STK10: variants seen among roughly 807,000 people sequenced by gnomAD.
STK10 encodes the protein serine/threonine kinase 10, also known as serine/threonine-protein kinase 10.
In STK10, 78 loss-of-function variants were observed where a neutral mutation model predicts 113.8. That is an observed-to-expected ratio of 0.69 (90% CI 0.57 to 0.83). STK10 has a LOEUF of 0.83. STK10 is among the 40% of genes least tolerant of loss of function. STK10 has a pLI of 0.00. For missense variants in STK10, 1,109 were observed against 1,280.1 expected (o/e 0.87, Z 2.04); for synonymous variants, 465 against 494.7 (o/e 0.94, Z 0.80).
At chr5:172,172,420 C>T (rs767605096) in intron 1 of STK10, among the ~76,000 whole-genome samples, 2 of 152,202 alleles carry the variant, frequency 1.3e-5, no homozygotes, top group African/African-American at 4.8e-5. Flanking sequence ...CCAAGCTATA[C>T]CCGTGTTCCA....
intron 1 of STK10, among the ~76,000 whole-genome samples, chr5:172,168,816 G>A (rs1267308405): frequency 6.6e-6 from 1 of 152,068 alleles, no homozygotes; most frequent in Non-Finnish European, 1.5e-5. Flanking sequence ...TGTCATGCCA[G>A]GGGTCTCCCG....
At chr5:172,184,777 G>A (rs1375401587) in intron 1 of STK10, among the ~76,000 whole-genome samples, 3 of 152,060 alleles carry the variant, frequency 2.0e-5, no homozygotes, top group African/African-American at 4.8e-5. Context: ...TCAGCCTCCC[G>A]AGTAGCTGGG....
chr5:172,170,122 CT>C (rs11347358), intron 1 of STK10, among the ~76,000 whole-genome samples: 14,616 of 119,252 alleles, frequency 0.12, 1,231 homozygotes, highest in African/African-American at 0.34. Flanking sequence ...AGTATGTATC[CT>C]TTTTTTTTTT....
intron 7 of STK10, among the ~76,000 whole-genome samples, chr5:172,100,870 T>C (rs1288798946): frequency 6.6e-6 from 1 of 152,170 alleles, no homozygotes; most frequent in African/African-American, 2.4e-5. Flanking sequence ...CTCTCTCCCT[T>C]CTGGTCTTCT....
In STK10 at chr5:172,046,879, C is replaced by G. The variant is rs145568085; in HGVS notation, c.2767-1857G>C. ...ATTGGCAGTGGTTTGCTAACACCTA[C>G]TTTAAGGAAATAAATATTATCTACA... On this transcript the variant is annotated intron_variant, in intron 18 of 18. Coordinates refer to ENST00000176763, the MANE Select transcript of STK10 (RefSeq NM_005990.4). Among the ~76,000 whole-genome samples the G allele has an allele frequency of 1.5e-3, 233 of 152,272 alleles. 1 individual carries two copies. The highest frequency in any genetic ancestry group is 5.5e-3 in the African/African-American group (228 of 41,540).
chr5:172,093,515 T>G lies in STK10; in HGVS notation c.1451A>C (p.Asp484Ala). ...AQAAPGPSKR[D>A]SDCSSLCTSE... is the part of the protein sequence containing the mutation. ...GGTGCAGAGGCTGCTGCAGTCCGAG[T>G]CCCTCTTGGAAGGCCCTGGAGCTGC... The change falls in exon 9 of 19, where the codon GAC becomes GCC. Residue 484 changes from aspartate to alanine, a missense_variant. Asp to Ala is a moderately radical substitution (Grantham distance 126). Coordinates refer to ENST00000176763, the MANE Select transcript of STK10 (RefSeq NM_005990.4). The surrounding 1 kb of genome is among the most constrained non-coding windows in gnomAD (Gnocchi z 4.1). 1 of 1,614,136 alleles carries G rather than the reference T, an allele frequency of 6.2e-7. No homozygotes were observed. Among genetic ancestry groups the G allele is most frequent in the Non-Finnish European group, 8.5e-7 (1 of 1,180,024 alleles).
intron 2 of STK10, among the ~76,000 whole-genome samples, chr5:172,129,895 G>A (rs986234679): frequency 6.6e-5 from 10 of 152,184 alleles, no homozygotes; most frequent in African/African-American, 2.2e-4. Context: ...GCCTTGACAC[G>A]TGCCTGGCCC....
intron 2 of STK10, among the ~76,000 whole-genome samples, chr5:172,155,029 T>G (rs1328837696): frequency 6.6e-6 from 1 of 151,740 alleles, no homozygotes; most frequent in Non-Finnish European, 1.5e-5. Flanking sequence ...ACATAATAGC[T>G]ATTTTTCTTA....
At chr5:172,123,781 C>T (rs1769564824) in intron 3 of STK10, among the ~76,000 whole-genome samples, 1 of 152,054 alleles carries the variant, frequency 6.6e-6, no homozygotes, top group Non-Finnish European at 1.5e-5. Flanking sequence ...GTCTACCCTG[C>T]TGCTTGGAAT....
rs201995192 is a variant in STK10, at chr5:172,061,195, C to T, written c.2156G>A (p.Arg719Gln). 2.3e-4 allele frequency: 367 copies of T among 1,613,368 alleles called. No homozygotes were observed. The highest frequency in any genetic ancestry group is 3.1e-4 in the East Asian group (14 of 44,862). ...AMKRLTTDNR[R>Q]EICDKERECL... Reference sequence around the variant, plus strand: ...CTCGCGCTCCTTGTCACAGATCTCCCGCCTGTTGTCGGTGGTGAGCCTCTT... The same window carrying T: ...CTCGCGCTCCTTGTCACAGATCTCCTGCCTGTTGTCGGTGGTGAGCCTCTT... Residue 719 changes from arginine to glutamine, a missense_variant, in exon 14 of 19, where the codon CGG (arginine) becomes CAG (glutamine). By Grantham distance (43) the Arg-to-Gln change is conservative (BLOSUM62 1). This residue lies in a region of STK10 where 885 missense variants were observed against 991.1 expected (regional missense o/e 0.89). Coordinates refer to ENST00000176763, the MANE Select transcript of STK10 (RefSeq NM_005990.4).
chr5:172,108,247 A>G (rs1367497395), intron 4 of STK10: 1 of 158,346 alleles, frequency 6.3e-6, no homozygotes, highest in Non-Finnish European at 1.4e-5. Context: ...TAAAATTATA[A>G]TAATAGTGAC....
intron 5 of STK10, among the ~76,000 whole-genome samples, chr5:172,107,477 G>A (rs1042162560): frequency 2.6e-5 from 4 of 152,282 alleles, no homozygotes; most frequent in South Asian, 2.1e-4. Flanking sequence ...AATAAATCAC[G>A]AACTGAATCC....
At chr5:172,097,659 G>A (rs1468672091) in intron 7 of STK10, among the ~76,000 whole-genome samples, 1 of 152,148 alleles carries the variant, frequency 6.6e-6, no homozygotes, top group African/African-American at 2.4e-5. Context: ...TCATCCTGCT[G>A]CTGCTGGACA....
intron 2 of STK10, among the ~76,000 whole-genome samples, chr5:172,154,199 T>C (rs909579899): frequency 2.6e-5 from 4 of 152,312 alleles, no homozygotes; most frequent in Non-Finnish European, 4.4e-5. Context: ...ACTGACTCAA[T>C]GGGCCTCAGG....
chr5:172,178,701 T>A (rs963639615), intron 1 of STK10, among the ~76,000 whole-genome samples: 3 of 152,214 alleles, frequency 2.0e-5, no homozygotes, highest in Admixed American at 2.0e-4. Context: ...ATGCAAACCC[T>A]GGCTTCTCTG....
chr5:172,078,087 T>C (rs1768352268), intron 12 of STK10, among the ~76,000 whole-genome samples: 1 of 152,166 alleles, frequency 6.6e-6, no homozygotes, highest in Admixed American at 6.5e-5. Flanking sequence ...CCATTCCTAC[T>C]TGGAATTCCT....
At chr5:172,049,978 T>C (rs969066373) in intron 18 of STK10, among the ~76,000 whole-genome samples, 1 of 152,162 alleles carries the variant, frequency 6.6e-6, no homozygotes, top group Non-Finnish European at 1.5e-5. Context: ...AATTTTTGTA[T>C]TTTTAGTAGA....
chr5:172,121,032 C>CTTT (rs113620151), intron 3 of STK10, among the ~76,000 whole-genome samples: 5 of 138,814 alleles, frequency 3.6e-5, no homozygotes, highest in Non-Finnish European at 6.3e-5. Flanking sequence ...GGTTTCTTTC[C>CTTT]TTTTTTTTTT....
chr5:172,107,957 T>C (rs1769153529), intron 4 of STK10, 105 bp from the exon 5 acceptor site: 1 of 883,046 alleles, frequency 1.1e-6, no homozygotes, highest in African/African-American at 1.7e-5. Context: ...ACAGATGCCA[T>C]TTTCTATCTA....
Sources: gnomAD v4.1 joint callset for allele counts (sites outside exome capture counted in the v4.1 genomes callset) on GRCh38, gnomAD v4.1.1 for gene constraint, gnomAD v4.1.1 regional missense constraint, Gnocchi (gnomAD v3.1) non-coding constraint, MANE v1.5 for transcripts, NCBI Gene and HGNC (gene_info 2026-07-23, HGNC 2026-07-21) for gene names.